The following RGSL1 variants were observed in gnomAD, a reference collection of about 807,000 sequenced individuals.
RGSL1 encodes regulator of G protein signaling protein-like.
Under a neutral mutation model 124.7 loss-of-function variants are expected in RGSL1, and 97 were observed. The observed-to-expected ratio is 0.78, with a 90% CI of 0.66 to 0.92. RGSL1 has a LOEUF of 0.92. Ranked by LOEUF, RGSL1 falls within the 40% of genes least tolerant of loss-of-function variation. RGSL1 has a pLI of 0.00. For missense variants in RGSL1, 1,233 were observed against 1,288.4 expected (o/e 0.96, Z 0.66); for synonymous variants, 424 against 438.1 (o/e 0.97, Z 0.40).
chr1:182,488,776 G>T, intron 7 of RGSL1: 2 of 374,444 alleles, frequency 5.3e-6, no homozygotes, highest in Non-Finnish European at 9.4e-6. Context: ...CACAACCACA[G>T]AAAATTTCTT....
chr1:182,538,782 C>T (rs1382544384), intron 14 of RGSL1, among the ~76,000 whole-genome samples: 7 of 152,144 alleles, frequency 4.6e-5, no homozygotes, highest in Non-Finnish European at 5.9e-5. Flanking sequence ...GTGTCCTAGG[C>T]ACCTCCCTCA....
chr1:182,501,307 C>CTTTTTTTTTTTT (rs141279993), intron 9 of RGSL1, among the ~76,000 whole-genome samples: 109 of 61,318 alleles, frequency 1.8e-3, no homozygotes, highest in East Asian at 5.9e-3. Flanking sequence ...TTTTTCTTTT[C>CTTTTTTTTTTTT]TTTTTTTTTT....
chr1:182,497,361 A>AAT (rs1310721374), intron 9 of RGSL1, among the ~76,000 whole-genome samples: 6 of 147,988 alleles, frequency 4.1e-5, no homozygotes, highest in Non-Finnish European at 7.5e-5. Flanking sequence ...CTGATATAAA[A>AAT]ATATATATAT....
At chr1:182,522,740 G>A (rs1422592877) in intron 10 of RGSL1, among the ~76,000 whole-genome samples, 1 of 152,066 alleles carries the variant, frequency 6.6e-6, no homozygotes, top group Non-Finnish European at 1.5e-5. Context: ...AACCCTAAAG[G>A]TCTAAAGTAC....
intron 14 of RGSL1, among the ~76,000 whole-genome samples, chr1:182,537,394 A>G (rs778774245): frequency 2.6e-5 from 4 of 152,232 alleles, no homozygotes; most frequent in Non-Finnish European, 5.9e-5. Context: ...ATATGCACAT[A>G]TTCCAAAAAT....
chr1:182,508,290 G>GTTTTTTTTT (rs58641894), intron 9 of RGSL1, among the ~76,000 whole-genome samples: 25 of 53,782 alleles, frequency 4.6e-4, no homozygotes, highest in African/African-American at 9.5e-4. Context: ...TGGTGGTGGT[G>GTTTTTTTTT]TTTTTTTTTT....
chr1:182,472,561 A>G lies in RGSL1; in HGVS notation c.463+4A>G, dbSNP rs1051162580. 6.6e-7 allele frequency: 1 copy of G among 1,513,496 alleles called. No homozygotes were observed. The highest frequency in any genetic ancestry group is 8.9e-7 in the Non-Finnish European group (1 of 1,120,432). The allele number at this position is 1,513,496 out of a possible 1,614,324, so 93.8% of individuals were successfully genotyped here. On this transcript the variant is annotated splice_donor_region_variant and intron_variant, in intron 5 of 21. Transcript: ENST00000294854. Reference sequence around the variant, plus strand: ...ACCCTCTGTAACATGAACATCAGTAAGAATTATAAAGCATCTTTTTGGGGG... The same window carrying G: ...ACCCTCTGTAACATGAACATCAGTAGGAATTATAAAGCATCTTTTTGGGGG...
rs1170446575 is a variant in RGSL1 at position 182,514,640 on chromosome 1, A to G, written c.1826-7364A>G. On this transcript the variant is annotated intron_variant, in intron 9 of 21. Transcript: ENST00000294854. ...GAGAGAAGGGGACCTGGACCTTACTAAAACCAAATTCACCAGGCATCTGTT... is the reference window on the plus strand; with the variant it reads ...GAGAGAAGGGGACCTGGACCTTACTGAAACCAAATTCACCAGGCATCTGTT... Among the ~76,000 whole-genome samples the G allele has an allele frequency of 3.3e-5, 5 of 152,306 alleles. No homozygotes were observed. The South Asian group carries it at 6.2e-4, about 19-fold the overall frequency.
chr1:182,515,370 C>G lies in RGSL1; in HGVS notation c.1826-6634C>G, dbSNP rs956825127. ...TCCTTTCTAGGGCTGCAGCCTGGAG[C>G]CTGGAATCGAGTTTGGGACAAAAAA... On this transcript the variant is annotated intron_variant, in intron 9 of 21. Coordinates refer to ENST00000294854, the MANE Select transcript of RGSL1 (RefSeq NM_001137669.2). Among the ~76,000 whole-genome samples, 7 of 151,974 alleles carry G rather than the reference C, an allele frequency of 4.6e-5. No individual in the cohort carries two copies. In the South Asian group the frequency reaches 6.2e-4, roughly 14 times the overall value.
At chr1:182,505,816 C>A (rs966919122) in intron 9 of RGSL1, among the ~76,000 whole-genome samples, 1 of 152,046 alleles carries the variant, frequency 6.6e-6, no homozygotes, top group Admixed American at 6.6e-5. Context: ...CTTTGTCTGG[C>A]ATATAGAAAT....
intron 16 of RGSL1, 52 bp downstream of exon 16, chr1:182,548,507 C>A (rs10911094): frequency 0.2 from 304,763 of 1,546,104 alleles, 31,262 homozygotes; most frequent in African/African-American, 0.29. Context: ...GCATTTCCCC[C>A]ACAAGGACAA....
intron 4 of RGSL1, among the ~76,000 whole-genome samples, chr1:182,462,450 A>G (rs903305664): frequency 6.6e-6 from 1 of 152,182 alleles, no homozygotes; most frequent in African/African-American, 2.4e-5. Flanking sequence ...TCATAAAATC[A>G]TAATAAAATA....
chr1:182,447,919 G>A (rs1490550564), upstream of RGSL1: 1 of 150,782 alleles, frequency 6.6e-6, no homozygotes, highest in Non-Finnish European at 1.5e-5. Context: ...AGAAAATCAG[G>A]TCCCTCATCC....
intron 6 of RGSL1, among the ~76,000 whole-genome samples, chr1:182,486,489 C>G (rs942651349): frequency 1.3e-5 from 2 of 151,506 alleles, no homozygotes; most frequent in Non-Finnish European, 2.9e-5. Context: ...CATAGGTGCA[C>G]GCCACCATGC....
chr1:182,530,704 A>G (rs1413387521), intron 12 of RGSL1, 86 bp from the exon 13 acceptor site: 1 of 1,393,108 alleles, frequency 7.2e-7, no homozygotes, highest in African/African-American at 1.5e-5. Context: ...GAGTTCCTCC[A>G]GAAGCTGAGG....
At chr1:182,533,861 C>T (rs537505737) in intron 14 of RGSL1, among the ~76,000 whole-genome samples, 2 of 152,250 alleles carry the variant, frequency 1.3e-5, no homozygotes, top group Admixed American at 1.3e-4. Context: ...TAGAAAATGA[C>T]ATAAAGTTGA....
At chr1:182,535,657 T>C (rs1181233984) in intron 14 of RGSL1, among the ~76,000 whole-genome samples, 2 of 152,206 alleles carry the variant, frequency 1.3e-5, no homozygotes, top group East Asian at 3.8e-4. Flanking sequence ...AATTTCTCCC[T>C]GATTCTACAT....
intron 9 of RGSL1, among the ~76,000 whole-genome samples, chr1:182,515,558 G>GGA (rs1301708042): frequency 1.4e-5 from 2 of 139,852 alleles, no homozygotes; most frequent in Admixed American, 7.1e-5. Context: ...AAAAAAGGGG[G>GGA]GGGCGGGGTG....
At chr1:182,520,660 G>A (rs911822369) in intron 9 of RGSL1, among the ~76,000 whole-genome samples, 1 of 151,900 alleles carries the variant, frequency 6.6e-6, no homozygotes, top group Admixed American at 6.6e-5. Flanking sequence ...AGTATTTCTA[G>A]GTGTTTTGTA....
Sources: gnomAD v4.1 joint callset for allele counts (sites outside exome capture counted in the v4.1 genomes callset) on GRCh38, gnomAD v4.1.1 for gene constraint, MANE v1.5 for transcripts, NCBI Gene and HGNC (gene_info 2026-07-23, HGNC 2026-07-21) for gene names.